LRCH3: variants seen among roughly 807,000 people sequenced by gnomAD.
LRCH3 encodes DISP complex protein LRCH3.
Under a neutral mutation model 104.5 loss-of-function variants are expected in LRCH3, and 68 were observed. The ratio of observed to expected loss-of-function variants is 0.65; its 90% CI spans 0.54 to 0.80. The LOEUF is 0.80. LRCH3 is among the 30% of genes least tolerant of loss of function. The pLI is 0.00. For synonymous variants in LRCH3, 344 were observed against 361.3 expected (o/e 0.95, Z 0.54); for missense variants, 951 against 953.9 (o/e 1.00, Z 0.04).
chr3:197,850,324 C>A, intron 12 of LRCH3: 1 of 715,108 alleles, frequency 1.4e-6, no homozygotes, highest in Non-Finnish European at 2.3e-6. Context: ...ATTTAATTCT[C>A]CCAACTCTCT....
At chr3:197,812,235 A>T (rs1733206990) in intron 1 of LRCH3, among the ~76,000 whole-genome samples, 1 of 152,170 alleles carries the variant, frequency 6.6e-6, no homozygotes, top group Admixed American at 6.5e-5. Context: ...TGGCTGTTCT[A>T]GGGACTTCAT....
At position 197,852,586 on chromosome 3, in the gene LRCH3, A is replaced by T; in HGVS notation, c.1556A>T (p.Lys519Ile). ...VKQKASQSPQ[K>I]QHPLLDGVDG... The stretch of plus-strand genomic sequence containing the variant: ...CAAAAAGCATCACAAAGTCCACAAA[A>T]ACAGCACCCGCTCCTAGATGGCGTA... The change falls in exon 13 of 21, where the codon AAA (lysine) becomes ATA (isoleucine). Residue 519 changes from lysine (K) to isoleucine (I), a missense_variant. Physicochemically the swap from Lys to Ile is moderately radical, Grantham distance 102. Coordinates refer to ENST00000425562, the MANE Select transcript of LRCH3 (RefSeq NM_001365715.1). The T allele has an allele frequency of 6.2e-7, 1 of 1,614,140 alleles. No individual in the cohort carries two copies. The highest frequency in any genetic ancestry group is 2.2e-5 in the East Asian group (1 of 44,880).
intron 8 of LRCH3, among the ~76,000 whole-genome samples, chr3:197,834,761 A>G (rs1168377856): frequency 6.6e-6 from 1 of 152,242 alleles, no homozygotes; most frequent in Non-Finnish European, 1.5e-5. Flanking sequence ...TCTCTATTTC[A>G]ATAATTATCA....
intron 15 of LRCH3, among the ~76,000 whole-genome samples, chr3:197,861,413 G>C (rs533918243): frequency 4.6e-5 from 7 of 152,118 alleles, no homozygotes; most frequent in African/African-American, 1.7e-4. Context: ...GAACACCTTC[G>C]GGCATTGTGG....
chr3:197,828,646 C>G (rs555412252), intron 5 of LRCH3, among the ~76,000 whole-genome samples: 1 of 151,532 alleles, frequency 6.6e-6, no homozygotes, highest in Non-Finnish European at 1.5e-5. Flanking sequence ...CGCCCGGCCC[C>G]CTTAGCTCTT....
At chr3:197,871,675 G>A in intron 19 of LRCH3, 1 of 504,272 alleles carries the variant, frequency 2.0e-6, no homozygotes, top group East Asian at 3.2e-5. Context: ...CATGTACAGT[G>A]TGTGTTATAG....
chr3:197,836,828 C>T (rs1736868371), intron 9 of LRCH3, among the ~76,000 whole-genome samples: 2 of 152,124 alleles, frequency 1.3e-5, no homozygotes, highest in Admixed American at 6.5e-5. Context: ...CAGGCACCTG[C>T]CACCATGCCC....
At chr3:197,825,549 G>A (rs1327574025) in intron 4 of LRCH3, among the ~76,000 whole-genome samples, 14 of 131,816 alleles carry the variant, frequency 1.1e-4, no homozygotes, top group East Asian at 6.7e-4. Flanking sequence ...GCTCAATCTC[G>A]GCTCACTGCA....
Position 197,826,957 on chromosome 3 carries a change from C to T in LRCH3, c.720C>T (p.Leu240=). The part of the protein sequence containing the change: ...ITTIPVCYRN[L]RHLQTITLDN... Reference sequence around the variant, plus strand: ...CAATCCCTGTTTGTTATCGGAACCTCAGGCACCTACAGACGATCACCCTAG... The same window carrying T: ...CAATCCCTGTTTGTTATCGGAACCTTAGGCACCTACAGACGATCACCCTAG... Residue 240 remains leucine, a synonymous_variant, in exon 5 of 21, where the codon CTC becomes CTT. Transcript: ENST00000425562. 6.2e-7 allele frequency: 1 copy of T among 1,614,032 alleles called. No individual in the cohort carries two copies. The highest frequency in any genetic ancestry group is 2.2e-5 in the East Asian group (1 of 44,874).
chr3:197,820,878 GTA>G (rs1486785749), intron 4 of LRCH3, among the ~76,000 whole-genome samples: 1 of 151,936 alleles, frequency 6.6e-6, no homozygotes, highest in African/African-American at 2.4e-5. Context: ...GTGTGAGAGA[GTA>G]TGTGTGTGTT....
intron 4 of LRCH3, among the ~76,000 whole-genome samples, chr3:197,824,374 T>TC (rs1205506100): frequency 6.7e-6 from 1 of 150,222 alleles, no homozygotes; most frequent in South Asian, 2.1e-4. Flanking sequence ...TTTTTTTTTT[T>TC]TTCCCCTGGA....
At chr3:197,858,674 C>T (rs1313998626) in intron 14 of LRCH3, 160 bp from the exon 15 acceptor site, 8 of 653,790 alleles carry the variant, frequency 1.2e-5, no homozygotes, top group Non-Finnish European at 2.2e-5. Context: ...GTTTTTGTCC[C>T]CCAAATATTC....
In LRCH3 at chr3:197,864,617, A is replaced by C. The variant is rs796477825; in HGVS notation, c.1717-806A>C. On this transcript the variant is annotated intron_variant, in intron 15 of 20. Coordinates refer to ENST00000425562, the MANE Select transcript of LRCH3 (RefSeq NM_001365715.1). The stretch of plus-strand genomic sequence containing the variant: ...AAGAGCTAAACTCCATCTCAAAAAA[A>C]AAAAAACAAAAAACAAAAAAACAAA... 4.0e-4 allele frequency among the ~76,000 whole-genome samples: 56 copies of C among 140,078 alleles called. 1 individual carries two copies. Among genetic ancestry groups the C allele is most frequent in the African/African-American group, 1.3e-4 (4 of 31,328 alleles). The allele number at this position is 140,078 out of a possible 152,430, so 91.9% of individuals were successfully genotyped here.
At chr3:197,793,355 T>TA (rs1239473056) in intron 1 of LRCH3, among the ~76,000 whole-genome samples, 1 of 152,206 alleles carries the variant, frequency 6.6e-6, no homozygotes, top group African/African-American at 2.4e-5. Flanking sequence ...CTAAGGTAAA[T>TA]ATGAGCAGCC....
intron 17 of LRCH3, among the ~76,000 whole-genome samples, chr3:197,866,666 A>G (rs2109496465): frequency 6.6e-6 from 1 of 152,352 alleles, no homozygotes; most frequent in South Asian, 2.1e-4. Flanking sequence ...CAAGTCAAAA[A>G]TAACAACTTT....
chr3:197,812,940 G>A (rs528739541), intron 1 of LRCH3, among the ~76,000 whole-genome samples: 2 of 152,224 alleles, frequency 1.3e-5, no homozygotes, highest in Non-Finnish European at 1.5e-5. Flanking sequence ...TTGATTTTTT[G>A]AGGAACTGCC....
chr3:197,879,578 G>C (rs144116546), intron 20 of LRCH3, among the ~76,000 whole-genome samples: 1 of 148,612 alleles, frequency 6.7e-6, no homozygotes, highest in Non-Finnish European at 1.5e-5. Flanking sequence ...CCCGGGAGGC[G>C]GAGCTTGCAG....
At chr3:197,797,928 C>T (rs1231068925) in intron 1 of LRCH3, among the ~76,000 whole-genome samples, 2 of 150,250 alleles carry the variant, frequency 1.3e-5, no homozygotes, top group Non-Finnish European at 3.0e-5. Context: ...CAGAAGGAAC[C>T]ATAGTGACCT....
chr3:197,828,450 A>G (rs1037217695), intron 5 of LRCH3, among the ~76,000 whole-genome samples: 14 of 151,426 alleles, frequency 9.2e-5, no homozygotes, highest in Non-Finnish European at 1.9e-4. Flanking sequence ...GGTTCACACT[A>G]TTCTTCTGCC....
Sources: gnomAD v4.1 joint callset for allele counts (sites outside exome capture counted in the v4.1 genomes callset) on GRCh38, gnomAD v4.1.1 for gene constraint, MANE v1.5 for transcripts, NCBI Gene and HGNC (gene_info 2026-07-23, HGNC 2026-07-21) for gene names.